The following PLA2G15 variants were observed in gnomAD, a reference collection of about 807,000 sequenced individuals.
The protein encoded by PLA2G15 is lysosomal phospholipase A and acyltransferase.
PLA2G15 carries 20 observed loss-of-function variants against 40.9 expected under a neutral mutation model. The ratio of observed to expected loss-of-function variants is 0.49; its 90% CI spans 0.34 to 0.71. The LOEUF (loss-of-function observed/expected upper bound fraction) is 0.71, where lower values mean the gene tolerates loss of function less well. Among genes scored for constraint, PLA2G15 ranks in the 30% least tolerant of loss-of-function variants. The probability of loss-of-function intolerance (pLI) is 0.01; values close to 1 mark genes in which losing one functional copy is unlikely to be tolerated. For synonymous variants in PLA2G15, 223 were observed against 228.2 expected (o/e 0.98, Z 0.21); for missense variants, 471 against 541.9 (o/e 0.87, Z 1.30).
Position 68,260,377 on chromosome 16 carries a change from G to C in PLA2G15, c.*720G>C, listed in dbSNP as rs2042437754. On this transcript the variant is annotated 3_prime_UTR_variant, in exon 6 of 6. Transcript: ENST00000219345. ...CCCAGTCCCGCAGGCTGTGTTCCAG[G>C]GGCCCTGATTTCCTCGGATGTGCTA... The C allele has an allele frequency of 6.5e-6, 1 of 152,832 alleles. No homozygotes were observed. The highest frequency in any genetic ancestry group is 1.5e-5 in the Non-Finnish European group (1 of 68,226). 9.5% of individuals were successfully genotyped at this position (152,832 alleles called of 1,614,324 possible).
Position 68,249,276 on chromosome 16 carries a change from T to C in PLA2G15, c.128-14T>C. 6.2e-7 allele frequency: 1 copy of C among 1,613,772 alleles called. No homozygotes were observed. The highest frequency in any genetic ancestry group is 2.2e-5 in the East Asian group (1 of 44,880). Reference sequence around the variant, plus strand: ...CCGGGCTGAGGGCTCACACATGTCCTGTGCCCCCTGCAGTCCCTGGTGATT... The same window carrying C: ...CCGGGCTGAGGGCTCACACATGTCCCGTGCCCCCTGCAGTCCCTGGTGATT... On this transcript the variant is annotated splice_polypyrimidine_tract_variant and intron_variant, in intron 1 of 5. Coordinates refer to ENST00000219345, the MANE Select transcript of PLA2G15 (RefSeq NM_012320.4).
Position 68,249,294 on chromosome 16 carries a change from T to C in PLA2G15, c.132T>C (p.Pro44=). The C allele has an allele frequency of 6.2e-7, 1 of 1,614,078 alleles. No individual in the cohort carries two copies. Among genetic ancestry groups the C allele is most frequent in the Non-Finnish European group, 8.5e-7 (1 of 1,179,964 alleles). The change falls in exon 2 of 6, where the codon CCT becomes CCC. Residue 44 remains proline, a synonymous_variant. Transcript: ENST00000219345. ...AGRHPPVVLV[P]GDLGNQLEAK... is the part of the protein sequence containing the mutation. ...CATGTCCTGTGCCCCCTGCAGTCCC[T>C]GGTGATTTGGGTAACCAACTGGAAG...
intron 1 of PLA2G15, among the ~76,000 whole-genome samples, chr16:68,246,174 GC>G (rs1383538171): frequency 6.6e-6 from 1 of 152,244 alleles, no homozygotes; most frequent in East Asian, 1.9e-4. Flanking sequence ...CAGGCAACAT[GC>G]TTGTACTCTT....
intron 2 of PLA2G15, among the ~76,000 whole-genome samples, chr16:68,252,377 G>A (rs557120334): frequency 6.6e-6 from 1 of 152,246 alleles, no homozygotes; most frequent in South Asian, 2.1e-4. Context: ...TGTTTTGGGG[G>A]CACATTTGCT....
chr16:68,255,100 G>C lies in PLA2G15; in HGVS notation c.403+63G>C. 2 of 1,181,950 alleles carry C rather than the reference G, an allele frequency of 1.7e-6. No individual in the cohort carries two copies. The highest frequency in any genetic ancestry group is 2.4e-5 in the South Asian group (2 of 81,738). 73.2% of individuals were successfully genotyped at this position (1,181,950 alleles called of 1,614,324 possible). On this transcript the variant is annotated intron_variant, in intron 3 of 5. Transcript: ENST00000219345. The surrounding 1 kb of genome is among the most constrained non-coding windows in gnomAD (Gnocchi z 5.9). Reference sequence around the variant, plus strand: ...TGGGGTTTCTGCCGGACTGGAGCTGGAGCTGGAGGAACTCTGCTGGTTTGT... The same window carrying C: ...TGGGGTTTCTGCCGGACTGGAGCTGCAGCTGGAGGAACTCTGCTGGTTTGT...
chr16:68,259,438 C>T lies in PLA2G15; in HGVS notation c.1020C>T (p.Asp340=). Residue 340 remains aspartate, a synonymous_variant, in exon 6 of 6, where the codon GAC becomes GAT. Coordinates refer to ENST00000219345, the MANE Select transcript of PLA2G15 (RefSeq NM_012320.4). This position sits in a 1 kb window ranked among gnomAD's most constrained non-coding sequence, Gnocchi z 6.5. ...CLYGTGVPTP[D]SFYYESFPDR... Reference sequence around the variant, plus strand: ...ATGGTACTGGCGTCCCCACACCAGACTCCTTCTACTATGAGAGCTTCCCTG... The same window carrying T: ...ATGGTACTGGCGTCCCCACACCAGATTCCTTCTACTATGAGAGCTTCCCTG... 1 of 1,613,938 alleles carries T rather than the reference C, an allele frequency of 6.2e-7. No homozygotes were observed.
intron 5 of PLA2G15, among the ~76,000 whole-genome samples, chr16:68,258,683 T>C (rs761487233): frequency 1.3e-5 from 2 of 151,602 alleles, no homozygotes; most frequent in Non-Finnish European, 2.9e-5. Flanking sequence ...TGCAGGAGGC[T>C]GACATAGGAG....
chr16:68,254,849 G>C, intron 2 of PLA2G15, 70 bp from the exon 3 acceptor site: 1 of 922,846 alleles, frequency 1.1e-6, no homozygotes, highest in Non-Finnish European at 1.8e-6. Flanking sequence ...CTCAGGACAT[G>C]ATGCACTGTT....
intron 2 of PLA2G15, chr16:68,252,663 T>TA (rs1311296481): frequency 1.6e-5 from 7 of 447,564 alleles, no homozygotes; most frequent in South Asian, 1.1e-4. Flanking sequence ...GGTAATTTAT[T>TA]ACACAGTTCT....
chr16:68,255,827 T>C lies in PLA2G15; in HGVS notation c.564T>C (p.Tyr188=). The change falls in exon 5 of 6, where the codon TAT becomes TAC. Residue 188 remains tyrosine (Y), a synonymous_variant. Transcript: ENST00000219345. The surrounding 1 kb of genome is among the most constrained non-coding windows in gnomAD (Gnocchi z 5.9). The part of the protein sequence containing the change: ...REMIEEMYQL[Y]GGPVVLVAHS... ...TGATCGAGGAGATGTACCAGCTGTA[T>C]GGGGGCCCCGTGGTGCTGGTTGCCC... 2.5e-6 allele frequency: 4 copies of C among 1,614,160 alleles called. No homozygotes were observed. Among genetic ancestry groups the C allele is most frequent in the Non-Finnish European group, 3.4e-6 (4 of 1,180,008 alleles).
In PLA2G15 at chr16:68,259,832, G is replaced by A. The variant is rs1257867008; in HGVS notation, c.*175G>A. ...TTTGTTATCCTTTCTCTGTGGCAGT[G>A]AAGAAGGAAGAAATGAGAGTCTAGA... On this transcript the variant is annotated 3_prime_UTR_variant, in exon 6 of 6. Coordinates refer to ENST00000219345, the MANE Select transcript of PLA2G15 (RefSeq NM_012320.4). The surrounding 1 kb of genome is among the most constrained non-coding windows in gnomAD (Gnocchi z 6.5). 4 of 626,694 alleles carry A rather than the reference G, an allele frequency of 6.4e-6. No individual in the cohort carries two copies. Among genetic ancestry groups the A allele is most frequent in the African/African-American group, 1.8e-5 (1 of 54,318 alleles). 38.8% of individuals were successfully genotyped at this position (626,694 alleles called of 1,614,324 possible).
Position 68,255,372 on chromosome 16 carries a change from G to C in PLA2G15, c.494G>C (p.Arg165Pro). 1 of 1,608,896 alleles carries C rather than the reference G, an allele frequency of 6.2e-7. No homozygotes were observed. The highest frequency in any genetic ancestry group is 8.5e-7 in the Non-Finnish European group (1 of 1,177,280). The change falls in exon 4 of 6, where the codon CGA (arginine) becomes CCA (proline). Residue 165 changes from arginine (R) to proline (P), a missense_variant. By Grantham distance (103) the Arg-to-Pro change is moderately radical (BLOSUM62 -2). Transcript: ENST00000219345. The surrounding 1 kb of genome is among the most constrained non-coding windows in gnomAD (Gnocchi z 5.9). The part of the protein sequence containing the change: ...DVRGAPYDWR[R>P]APNENGPYFL... Reference sequence around the variant, plus strand: ...CGAGGGGCTCCCTATGACTGGCGCCGAGCCCCAAGTAAGCAGGCACTCTCA... The same window carrying C: ...CGAGGGGCTCCCTATGACTGGCGCCCAGCCCCAAGTAAGCAGGCACTCTCA...
rs116300172 is a variant in PLA2G15, at chr16:68,260,045, A to T, written c.*388A>T. On this transcript the variant is annotated 3_prime_UTR_variant, in exon 6 of 6. Coordinates refer to ENST00000219345, the MANE Select transcript of PLA2G15 (RefSeq NM_012320.4). The stretch of plus-strand genomic sequence containing the variant: ...TGGCCCCGCAGCCTTCCTATGAGGG[A>T]TGTTACTGGGCTGTGGTCCTGTACC... 3.2e-3 allele frequency: 827 copies of T among 254,816 alleles called. 9 individuals are homozygous for T. The highest frequency in any genetic ancestry group is 0.017 in the African/African-American group (754 of 44,922). The allele number at this position is 254,816 out of a possible 1,614,324, so 15.8% of individuals were successfully genotyped here. A position where few individuals can be genotyped will look rare whatever the true frequency, so the allele number is the denominator to read the frequency against.
intron 1 of PLA2G15, among the ~76,000 whole-genome samples, chr16:68,246,687 T>C (rs1468756921): frequency 1.3e-5 from 2 of 152,158 alleles, no homozygotes; most frequent in Non-Finnish European, 2.9e-5. Flanking sequence ...AGGAAGTCTG[T>C]GTGGGGCAAG....
chr16:68,247,594 C>T (rs914838934), intron 1 of PLA2G15, among the ~76,000 whole-genome samples: 1 of 152,184 alleles, frequency 6.6e-6, no homozygotes, highest in Non-Finnish European at 1.5e-5. Context: ...AGGGTCTCTG[C>T]CCTGCCCTGC....
chr16:68,245,476 T>C lies in PLA2G15; in HGVS notation c.50T>C (p.Leu17Pro). The C allele has an allele frequency of 6.2e-7, 1 of 1,606,676 alleles. No individual in the cohort carries two copies. The highest frequency in any genetic ancestry group is 1.7e-4 in the Middle Eastern group (1 of 6,058). The part of the protein sequence containing the change: ...PYRVGLLPDG[L>P]LFLLLLLMLL... ...CGTGTGGGGCTGCTCCCGGATGGCC[T>C]CCTGTTCCTCTTGCTGCTGCTAATG... is the stretch of plus-strand genomic sequence containing the variant. The change falls in exon 1 of 6, where the codon CTC becomes CCC. Residue 17 changes from leucine (L) to proline (P), a missense_variant. Transcript: ENST00000219345.
chr16:68,256,857 G>A (rs1366925888), intron 5 of PLA2G15, among the ~76,000 whole-genome samples: 2 of 149,934 alleles, frequency 1.3e-5, no homozygotes, highest in Admixed American at 6.7e-5. Context: ...CACCTTCACC[G>A]CAGAGGAGGA....
chr16:68,251,705 C>A (rs1412941354), intron 2 of PLA2G15, among the ~76,000 whole-genome samples: 3 of 151,472 alleles, frequency 2.0e-5, no homozygotes, highest in African/African-American at 7.3e-5. Context: ...TACAAAAATA[C>A]AAAAATGAGC....
At chr16:68,252,777 G>A (rs956968962) in intron 2 of PLA2G15, among the ~76,000 whole-genome samples, 1 of 152,132 alleles carries the variant, frequency 6.6e-6, no homozygotes, top group Non-Finnish European at 1.5e-5. Context: ...AGACCAGCAT[G>A]AGCACATAGT....
Sources: gnomAD v4.1 joint callset for allele counts (sites outside exome capture counted in the v4.1 genomes callset) on GRCh38, gnomAD v4.1.1 for gene constraint, Gnocchi (gnomAD v3.1) non-coding constraint, MANE v1.5 for transcripts, NCBI Gene and HGNC (gene_info 2026-07-23, HGNC 2026-07-21) for gene names.